CEACAM8: variants seen among roughly 807,000 people sequenced by gnomAD.
CEACAM8 encodes the protein cell adhesion molecule CEACAM8.
A neutral mutation model predicts 33.4 loss-of-function variants in CEACAM8; 31 were observed. That is an observed-to-expected ratio of 0.93 (90% CI 0.70 to 1.25). The LOEUF is 1.25. Ranked by LOEUF, CEACAM8 falls within the 50% of genes most tolerant of loss-of-function variation. CEACAM8 has a pLI of 0.00. For synonymous variants in CEACAM8, 138 were observed against 164.5 expected (o/e 0.84, Z 1.23); for missense variants, 388 against 434.6 (o/e 0.89, Z 0.95).
rs772817344 is a variant in CEACAM8, at chr19:42,593,733, G to A, written c.232C>T (p.Arg78Ter). The A allele has an allele frequency of 1.5e-5, 24 of 1,613,866 alleles. No individual in the cohort carries two copies. In the Admixed American group the frequency reaches 3.2e-4, roughly 21 times the overall value. Reference protein sequence around the residue: ...YKGETVDANRRIIGYVISNQQ... With the variant: ...YKGETVDANR ...TTTGATATTACATATCCTATAATTC[G>A]ACGGTTGGCATCCACTGTTTCCCCT... Residue 78 changes from arginine (R) to a stop codon, truncating the protein, a stop_gained, in exon 2 of 6, where the codon CGA becomes TGA. Transcript: ENST00000244336. LOFTEE classifies it high-confidence loss of function.
At chr19:42,591,427 T>C (rs899338778) in intron 2 of CEACAM8, among the ~76,000 whole-genome samples, 1 of 152,142 alleles carries the variant, frequency 6.6e-6, no homozygotes, top group African/African-American at 2.4e-5. Context: ...GTCTTAGGTG[T>C]GTCAATTCCA....
intron 3 of CEACAM8, 122 bp downstream of exon 3, chr19:42,589,335 G>C: frequency 6.9e-7 from 1 of 1,458,686 alleles, no homozygotes; most frequent in South Asian, 1.3e-5. Flanking sequence ...ATGACGAGCT[G>C]GGTTTCTAGG....
At chr19:42,594,744 C>G (rs779752993) in intron 1 of CEACAM8, 21 bp downstream of exon 1, 12 of 1,597,578 alleles carry the variant, frequency 7.5e-6, no homozygotes, top group Non-Finnish European at 1.0e-5. Context: ...CCTGTCCTTT[C>G]CCAGGAAGTC....
chr19:42,593,653 A>T lies in CEACAM8; in HGVS notation c.312T>A (p.Asn104Lys), dbSNP rs1489788998. 7 of 1,614,042 alleles carry T rather than the reference A, an allele frequency of 4.3e-6. No homozygotes were observed. Among genetic ancestry groups the T allele is most frequent in the South Asian group, 1.1e-5 (1 of 91,086 alleles). ...TGACGTTCCGCATCAGCAGGGATGC[A>T]TTGGGGTATATTGTCTCTCGATTGC... ...AYSNRETIYP[N>K]ASLLMRNVTR... The change falls in exon 2 of 6, where the codon AAT becomes AAA. Residue 104 changes from asparagine to lysine, a missense_variant. By Grantham distance (94) the Asn-to-Lys change is moderately conservative. Transcript: ENST00000244336.
At chr19:42,590,325 A>G (rs2042414291) in intron 2 of CEACAM8, among the ~76,000 whole-genome samples, 1 of 152,202 alleles carries the variant, frequency 6.6e-6, no homozygotes, top group East Asian at 1.9e-4. Context: ...TTTCATCGTG[A>G]CTTACTTGAG....
In CEACAM8 at chr19:42,581,063, G is replaced by A. The variant is rs1474513522; in HGVS notation, c.*331C>T. 13 of 138,134 alleles carry A rather than the reference G, an allele frequency of 9.4e-5. No homozygotes were observed. Among genetic ancestry groups the A allele is most frequent in the Non-Finnish European group, 2.0e-4 (13 of 65,906 alleles). 8.6% of individuals were successfully genotyped at this position (138,134 alleles called of 1,614,324 possible). On this transcript the variant is annotated 3_prime_UTR_variant, in exon 6 of 6. Coordinates refer to ENST00000244336, the MANE Select transcript of CEACAM8 (RefSeq NM_001816.4). ...CCACTGCACTCCAGCCTGGGCGACA[G>A]AGCGAGATTCCATCTCAAAAAAAAA... is the stretch of plus-strand genomic sequence containing the variant.
intron 4 of CEACAM8, among the ~76,000 whole-genome samples, chr19:42,588,099 A>G (rs1296049813): frequency 6.6e-6 from 1 of 152,210 alleles, no homozygotes; most frequent in Non-Finnish European, 1.5e-5. Context: ...CCGTGACTTC[A>G]GAGCTAGGAC....
At chr19:42,589,418 G>T (rs2042393119) in intron 3 of CEACAM8, 39 bp downstream of exon 3, 1 of 1,613,314 alleles carries the variant, frequency 6.2e-7, no homozygotes, top group Non-Finnish European at 8.5e-7. Flanking sequence ...GTGGATTTGG[G>T]CTGGTGGCCT....
In CEACAM8 at chr19:42,589,599, G is replaced by A. The variant is rs1366877765; in HGVS notation, c.561C>T (p.Val187=). The A allele has an allele frequency of 4.3e-6, 7 of 1,614,224 alleles. No individual in the cohort carries two copies. Among genetic ancestry groups the A allele is most frequent in the Non-Finnish European group, 5.9e-6 (7 of 1,180,044 alleles). The change falls in exon 3 of 6, where the codon GTC becomes GTT. Residue 187 remains valine (V), a synonymous_variant. Transcript: ENST00000244336. ...LWWVNGQSLP[V]SPRLQLSNGN... is the part of the protein sequence containing the mutation. ...CATTGGACAGCTGCAGCCTGGGACT[G>A]ACCGGGAGACTCTGACCATTTACCC...
rs374862850 is a variant in CEACAM8, at chr19:42,593,754, C to T, written c.211G>A (p.Glu71Lys). ...ATTCGACGGTTGGCATCCACTGTTT[C>T]CCCTTTGTACCAGTTGTAGCCACGA... ...DPRGYNWYKGETVDANRRIIG... is the reference protein window; with the variant it reads ...DPRGYNWYKGKTVDANRRIIG... Residue 71 changes from glutamate (E) to lysine (K), a missense_variant, in exon 2 of 6, where the codon GAA (glutamate) becomes AAA (lysine). By Grantham distance (56) the Glu-to-Lys change is moderately conservative. Coordinates refer to ENST00000244336, the MANE Select transcript of CEACAM8 (RefSeq NM_001816.4). 1.9e-5 allele frequency: 31 copies of T among 1,613,868 alleles called. No individual in the cohort carries two copies. The highest frequency in any genetic ancestry group is 3.3e-5 in the South Asian group (3 of 91,068).
chr19:42,592,978 G>A lies in CEACAM8; in HGVS notation c.424+563C>T, dbSNP rs76348564. Among the ~76,000 whole-genome samples, 81 of 152,382 alleles carry A rather than the reference G, an allele frequency of 5.3e-4. No homozygotes were observed. In the East Asian group the frequency reaches 0.015, roughly 29 times the overall value. ...AAGGACAAGACTCTGTCCTTGCCCAGATGAGGCTCTGGGGTCTAAGCCCTG... is the reference window on the plus strand; with the variant it reads ...AAGGACAAGACTCTGTCCTTGCCCAAATGAGGCTCTGGGGTCTAAGCCCTG... On this transcript the variant is annotated intron_variant, in intron 2 of 5. Coordinates refer to ENST00000244336, the MANE Select transcript of CEACAM8 (RefSeq NM_001816.4).
chr19:42,582,498 G>A (rs1250361934), intron 5 of CEACAM8, among the ~76,000 whole-genome samples: 1 of 152,106 alleles, frequency 6.6e-6, no homozygotes, highest in Non-Finnish European at 1.5e-5. Context: ...CTGAATCTCA[G>A]GTTCACACAT....
rs1455345407 is a variant in CEACAM8, at chr19:42,589,027, C to T, written c.715G>A (p.Ala239Thr). 1.2e-6 allele frequency: 2 copies of T among 1,612,830 alleles called. No homozygotes were observed. Among genetic ancestry groups the T allele is most frequent in the Admixed American group, 1.7e-5 (1 of 59,988 alleles). The change falls in exon 4 of 6, where the codon GCC becomes ACC. Residue 239 changes from alanine to threonine, a missense_variant. By Grantham distance (58) the Ala-to-Thr change is moderately conservative. Transcript: ENST00000244336. ...VTLNVLYGPDAPTISPSDTYY... is the reference protein window; with the variant it reads ...VTLNVLYGPDTPTISPSDTYY... Reference sequence around the variant, plus strand: ...GTGTCTGAAGGGGAAATGGTGGGGGCATCTGGGCCATCTAGAGCAAAAGAA... The same window carrying T: ...GTGTCTGAAGGGGAAATGGTGGGGGTATCTGGGCCATCTAGAGCAAAAGAA...
chr19:42,587,810 G>A (rs1417157294), intron 4 of CEACAM8, among the ~76,000 whole-genome samples: 2 of 152,182 alleles, frequency 1.3e-5, no homozygotes, highest in Non-Finnish European at 1.5e-5. Flanking sequence ...TTCGAGACCA[G>A]CCTGATCAAC....
At chr19:42,582,563 A>G (rs2042275537) in intron 5 of CEACAM8, among the ~76,000 whole-genome samples, 1 of 152,046 alleles carries the variant, frequency 6.6e-6, no homozygotes, top group African/African-American at 2.4e-5. Flanking sequence ...TTTGAAGGGT[A>G]TGTGGGCAAC....
intron 4 of CEACAM8, among the ~76,000 whole-genome samples, chr19:42,586,255 A>G (rs1283486241): frequency 1.3e-5 from 2 of 152,156 alleles, no homozygotes; most frequent in Admixed American, 1.3e-4. Flanking sequence ...TAAAGTTCAT[A>G]TGGAATTTCA....
chr19:42,585,861 C>T (rs1398672964), intron 4 of CEACAM8, among the ~76,000 whole-genome samples: 1 of 151,986 alleles, frequency 6.6e-6, no homozygotes, highest in African/African-American at 2.4e-5. Context: ...TGAAAAAAAC[C>T]TGTTAGAATT....
At chr19:42,581,920 A>AAAAAAAAAATATATATAT (rs1555805368) in intron 5 of CEACAM8, among the ~76,000 whole-genome samples, 1 of 25,306 alleles carries the variant, frequency 4.0e-5, no homozygotes, top group African/African-American at 1.6e-4. Flanking sequence ...AAAAAAAAAA[A>AAAAAAAAAATATATATAT]ATATATATAT....
At chr19:42,592,991 G>T (rs1254490592) in intron 2 of CEACAM8, among the ~76,000 whole-genome samples, 1 of 152,246 alleles carries the variant, frequency 6.6e-6, no homozygotes, top group Non-Finnish European at 1.5e-5. Flanking sequence ...GAGGCTCTGG[G>T]GTCTAAGCCC....
Sources: gnomAD v4.1 joint callset for allele counts (sites outside exome capture counted in the v4.1 genomes callset) on GRCh38, gnomAD v4.1.1 for gene constraint, MANE v1.5 for transcripts, NCBI Gene and HGNC (gene_info 2026-07-23, HGNC 2026-07-21) for gene names.